The following FN1 variants were observed in gnomAD, a reference collection of about 807,000 sequenced individuals.
The protein encoded by FN1 is fibronectin 1, also known as fibronectin.
A neutral mutation model predicts 297.3 loss-of-function variants in FN1; 106 were observed. The ratio of observed to expected loss-of-function variants is 0.36; its 90% confidence interval spans 0.30 to 0.42. The LOEUF is 0.42. FN1 is among the 10% of genes least tolerant of loss of function. The probability of loss-of-function intolerance (pLI) is 1.00; values close to 1 mark genes in which losing one functional copy is unlikely to be tolerated. For synonymous variants in FN1, 1,149 were observed against 1,152.6 expected (o/e 1.00, Z 0.06); for missense variants, 2,690 against 3,124.9 (o/e 0.86, Z 3.32).
At position 215,370,540 on chromosome 2, in the gene FN1, C is replaced by CAAAA. The variant is rs377315833; in HGVS notation, c.6715-112_6715-109dup. 3.6e-3 allele frequency: 1,100 copies of CAAAA among 304,656 alleles called. 23 individuals are homozygous for CAAAA. Among genetic ancestry groups the CAAAA allele is most frequent in the Admixed American group, 7.0e-3 (102 of 14,584 alleles). 18.9% of individuals were successfully genotyped at this position (304,656 alleles called of 1,614,324 possible). A position where few individuals can be genotyped will look rare whatever the true frequency, so the allele number is the denominator to read the frequency against. Reference sequence around the variant, plus strand: ...ACTGTTTAAACAAAGCAAAGGAAGACAAAAAACAAAAAACAAAAAAAAAAA... The same window carrying CAAAA: ...ACTGTTTAAACAAAGCAAAGGAAGACAAAAAAAAAACAAAAAACAAAAAAAAAAA... On this transcript the variant is annotated intron_variant, in intron 40 of 45. Transcript: ENST00000354785.
At chr2:215,428,747 G>A (rs534433183) in intron 5 of FN1, among the ~76,000 whole-genome samples, 15 of 152,246 alleles carry the variant, frequency 9.9e-5, no homozygotes, top group African/African-American at 2.9e-4. Flanking sequence ...GGCTAAGCGC[G>A]GTGGCTCACG....
intron 23 of FN1, among the ~76,000 whole-genome samples, chr2:215,395,676 G>A (rs1223521437): frequency 6.6e-6 from 1 of 152,152 alleles, no homozygotes; most frequent in African/African-American, 2.4e-5. Flanking sequence ...AGAGATCTGT[G>A]GGGACAGATT....
At chr2:215,384,463 A>T in intron 29 of FN1, 1 of 484,910 alleles carries the variant, frequency 2.1e-6, no homozygotes, top group East Asian at 3.6e-5. Context: ...GGAGAAGGTA[A>T]GCCCTCAACC....
rs776830549 is a variant in FN1 at position 215,410,099 on chromosome 2, G to A, written c.1957C>T (p.Arg653Cys). ...LRWRPKNSVG[R>C]WKEATIPGHL... is the part of the protein sequence containing the mutation. Reference sequence around the variant, plus strand: ...CCTGGTATGGTAGCTTCCTTCCAACGGCCTACAGAATTTTTCTGAAAATTT... The same window carrying A: ...CCTGGTATGGTAGCTTCCTTCCAACAGCCTACAGAATTTTTCTGAAAATTT... The change falls in exon 14 of 46, where the codon CGT becomes TGT. Residue 653 changes from arginine (R) to cysteine (C), a missense_variant. By Grantham distance (180) the Arg-to-Cys change is radical (BLOSUM62 -3). Around this residue, in one of 3 missense-constraint regions of FN1, gnomAD observed 876 missense variants for 1,058.1 expected, o/e 0.83. Coordinates refer to ENST00000354785, the MANE Select transcript of FN1 (RefSeq NM_212482.4). The A allele has an allele frequency of 3.1e-6, 5 of 1,610,522 alleles. No homozygotes were observed. The highest frequency in any genetic ancestry group is 3.4e-6 in the Non-Finnish European group (4 of 1,178,842).
rs1469719281 is a variant in FN1 at position 215,378,210 on chromosome 2, C to T, written c.5675G>A (p.Ser1892Asn). 7 of 1,611,938 alleles carry T rather than the reference C, an allele frequency of 4.3e-6. No homozygotes were observed. The African/African-American group carries it at 8.0e-5, about 18-fold the overall frequency. ...GGTGACAACTCCCTGAGCTGGTCTGCTTGTCAAAGTGTCCTTAAGAGCATA... is the reference window on the plus strand; with the variant it reads ...GGTGACAACTCCCTGAGCTGGTCTGTTTGTCAAAGTGTCCTTAAGAGCATA... ...SVYALKDTLT[S>N]RPAQGVVTTL... The change falls in exon 35 of 46, where the codon AGC (serine) becomes AAC (asparagine). Residue 1892 changes from serine (S) to asparagine (N), a missense_variant. Transcript: ENST00000354785.
intron 26 of FN1, among the ~76,000 whole-genome samples, chr2:215,390,647 A>T (rs1030651582): frequency 6.6e-6 from 1 of 152,012 alleles, no homozygotes; most frequent in African/African-American, 2.4e-5. Flanking sequence ...AGGGGCTTGT[A>T]TACTGGGTGA....
In FN1 at chr2:215,397,700, A is replaced by G. The variant is rs781112814; in HGVS notation, c.3497T>C (p.Ile1166Thr). 5.3e-5 allele frequency: 86 copies of G among 1,614,042 alleles called. No individual in the cohort carries two copies. Among genetic ancestry groups the G allele is most frequent in the Non-Finnish European group, 6.9e-5 (82 of 1,179,992 alleles). The change falls in exon 22 of 46, where the codon ATT becomes ACT. Residue 1166 changes from isoleucine (I) to threonine (T), a missense_variant. Transcript: ENST00000354785. ...CTTACGTGTCACCACTTTGTTTACA[A>G]TTGGCGCATCTCTTTCCTGTCCATC... ...LRDGQERDAP[I>T]VNKVVTPLSP...
rs7570208 is a variant in FN1, at chr2:215,408,096, C to T, written c.2518+12G>A. On this transcript the variant is annotated intron_variant, in intron 17 of 45. Transcript: ENST00000354785. The stretch of plus-strand genomic sequence containing the variant: ...TTAACATAGCAGCCAAAGAGGGGGA[C>T]GCTTAGCTGACCTGTGATGGGAGCC... 2.4e-5 allele frequency: 38 copies of T among 1,609,202 alleles called. No homozygotes were observed. The African/African-American group carries it at 3.1e-4, about 13-fold the overall frequency.
chr2:215,415,026 T>G, intron 12 of FN1, 68 bp from the exon 13 acceptor site: 2 of 1,214,850 alleles, frequency 1.6e-6, no homozygotes, highest in East Asian at 2.3e-5. Context: ...ACTGTGTACA[T>G]GGACAGTCAT....
chr2:215,379,744 A>C (rs1575362979), intron 33 of FN1: 1 of 218,282 alleles, frequency 4.6e-6, no homozygotes, highest in East Asian at 1.3e-4. Context: ...TCCAGGCGGC[A>C]GTGCAGTGGA....
intron 2 of FN1, among the ~76,000 whole-genome samples, chr2:215,433,873 G>A (rs1181733420): frequency 6.6e-6 from 1 of 152,186 alleles, no homozygotes; most frequent in Non-Finnish European, 1.5e-5. Flanking sequence ...AGGCTGAGGC[G>A]GGTGGATCAC....
rs74389637 is a variant in FN1 at position 215,416,392 on chromosome 2, C to A, written c.1820-1434G>T. Among the ~76,000 whole-genome samples, 1,347 of 152,208 alleles carry A rather than the reference C, an allele frequency of 8.8e-3. 33 individuals are homozygous for A. Among genetic ancestry groups the A allele is most frequent in the African/African-American group, 0.031 (1,278 of 41,552 alleles). ...TTTAATCAATTGGCATAAGTCAATT[C>A]CATGCCTATCTTTGAATTACCCCTT... On this transcript the variant is annotated intron_variant, in intron 12 of 45. Coordinates refer to ENST00000354785, the MANE Select transcript of FN1 (RefSeq NM_212482.4).
At chr2:215,395,011 G>T (rs1333998541) in intron 23 of FN1, among the ~76,000 whole-genome samples, 7 of 152,090 alleles carry the variant, frequency 4.6e-5, no homozygotes, top group Non-Finnish European at 1.0e-4. Context: ...CACTTTAAAG[G>T]AAATCTTGAA....
chr2:215,390,194 AT>A (rs2059558494), intron 26 of FN1, among the ~76,000 whole-genome samples: 1 of 151,102 alleles, frequency 6.6e-6, no homozygotes, highest in Non-Finnish European at 1.5e-5. Flanking sequence ...TTGTTTGTTT[AT>A]TTTTTTGAGA....
chr2:215,419,894 C>T (rs902039405), intron 11 of FN1, among the ~76,000 whole-genome samples: 6 of 152,180 alleles, frequency 3.9e-5, no homozygotes, highest in Admixed American at 1.3e-4. Context: ...GGTAATCTCA[C>T]GTCAAACAAA....
intron 11 of FN1, among the ~76,000 whole-genome samples, 186 bp downstream of exon 11, chr2:215,420,487 A>G (rs2064127605): frequency 6.6e-6 from 1 of 152,234 alleles, no homozygotes; most frequent in South Asian, 2.1e-4. Flanking sequence ...AGCAAAAACC[A>G]GACGACTACC....
chr2:215,422,032 A>G (rs1381842795), intron 10 of FN1, 59 bp downstream of exon 10: 16 of 1,543,678 alleles, frequency 1.0e-5, no homozygotes, highest in Non-Finnish European at 1.3e-5. Context: ...TCATAAAAAA[A>G]AGTGTCCCTT....
chr2:215,414,933 A>G lies in FN1; in HGVS notation c.1845T>C (p.Phe615=), dbSNP rs771040156. 2.5e-6 allele frequency: 4 copies of G among 1,613,768 alleles called. No homozygotes were observed. In the Admixed American group the frequency reaches 6.7e-5, roughly 27 times the overall value. ...YPSSSGPVEV[F]ITETPSQPNS... is the part of the protein sequence containing the mutation. ...TGGGCTGACTCGGAGTCTCAGTGAT[A>G]AATACTTCGACAGGACCACTTGAGC... The change falls in exon 13 of 46, where the codon TTT becomes TTC. Residue 615 remains phenylalanine, a synonymous_variant. Coordinates refer to ENST00000354785, the MANE Select transcript of FN1 (RefSeq NM_212482.4).
At chr2:215,395,539 CA>C (rs5838509) in intron 23 of FN1, among the ~76,000 whole-genome samples, 80,322 of 134,644 alleles carry the variant, frequency 0.6, 22,528 homozygotes, top group East Asian at 0.88. Flanking sequence ...GACTCTGTCT[CA>C]AAAAAAAAAA....
Sources: allele counts gnomAD v4.1 joint callset (sites outside exome capture counted in the v4.1 genomes callset), GRCh38; gene constraint gnomAD v4.1.1; regional missense constraint gnomAD v4.1.1; transcripts MANE v1.5; gene names NCBI Gene and HGNC (gene_info 2026-07-23, HGNC 2026-07-21).